ATXN1: variants seen among roughly 807,000 people sequenced by gnomAD.
The protein encoded by ATXN1 is ataxin-1.
Under a neutral mutation model 56.4 loss-of-function variants are expected in ATXN1, and 8 were observed. The ratio of observed to expected loss-of-function variants is 0.14; its 90% CI spans 0.08 to 0.26. The LOEUF (loss-of-function observed/expected upper bound fraction) is 0.26, where lower values mean the gene tolerates loss of function less well. ATXN1 is among the 10% of genes least tolerant of loss of function. The pLI is 1.00. For synonymous variants in ATXN1, 514 were observed against 494.6 expected, an observed-to-expected ratio of 1.04 and a Z score of -0.52; for missense variants, 987 against 1,106.5, an observed-to-expected ratio of 0.89 and a Z score of 1.53.
At chr6:16,736,432 A>G (rs1760134959) in intron 2 of ATXN1, among the ~76,000 whole-genome samples, 1 of 152,250 alleles carries the variant, frequency 6.6e-6, no homozygotes, top group Non-Finnish European at 1.5e-5. Flanking sequence ...ACCTTAAAAT[A>G]AAGAGCTTTT....
chr6:16,455,787 G>A (rs576470101), intron 6 of ATXN1, among the ~76,000 whole-genome samples: 12 of 152,114 alleles, frequency 7.9e-5, no homozygotes, highest in Admixed American at 1.3e-4. Context: ...GAAATTTCCC[G>A]TCCTACAAAA....
Position 16,687,454 on chromosome 6 carries a change from T to G in ATXN1, c.-614-29553A>C, listed in dbSNP as rs74462581. ...AATTACTGGCATTTCTTCTAATTTT[T>G]GGGGGCTAGTCTGACATTTATTAGC... On this transcript the variant is annotated intron_variant, in intron 2 of 7. Transcript: ENST00000436367. 6.1e-4 allele frequency among the ~76,000 whole-genome samples: 93 copies of G among 152,128 alleles called. 2 individuals are homozygous for G. The East Asian group carries it at 0.01, about 17-fold the overall frequency.
intron 6 of ATXN1, among the ~76,000 whole-genome samples, chr6:16,392,354 T>C (rs1240885262): frequency 1.3e-5 from 2 of 152,220 alleles, no homozygotes; most frequent in Non-Finnish European, 2.9e-5. Flanking sequence ...CTGACCTTAG[T>C]AGCAAACTGG....
At chr6:16,711,307 C>T (rs2113454530) in intron 2 of ATXN1, among the ~76,000 whole-genome samples, 1 of 152,052 alleles carries the variant, frequency 6.6e-6, no homozygotes, top group Admixed American at 6.5e-5. Context: ...TAGAAATCTT[C>T]CAGGAGAAAA....
intron 6 of ATXN1, among the ~76,000 whole-genome samples, chr6:16,395,287 A>C (rs1209904335): frequency 6.6e-6 from 1 of 150,954 alleles, no homozygotes; most frequent in East Asian, 1.9e-4. Context: ...AAAAAAAAAA[A>C]AAAACAAGAA....
At chr6:16,428,559 A>G (rs1236976201) in intron 6 of ATXN1, among the ~76,000 whole-genome samples, 2 of 152,102 alleles carry the variant, frequency 1.3e-5, no homozygotes, top group Admixed American at 6.5e-5. Flanking sequence ...AGAGCTTGAC[A>G]TTCATTTAAT....
intron 3 of ATXN1, among the ~76,000 whole-genome samples, chr6:16,647,662 CTA>C (rs1310170379): frequency 1.3e-5 from 2 of 152,180 alleles, no homozygotes; most frequent in East Asian, 1.9e-4. Flanking sequence ...GAAAAAATAA[CTA>C]TGTGAGGTGA....
intron 5 of ATXN1, among the ~76,000 whole-genome samples, chr6:16,488,142 G>A (rs934139313): frequency 1.3e-5 from 2 of 152,100 alleles, no homozygotes; most frequent in African/African-American, 4.8e-5. Context: ...CCTGATGCAG[G>A]TATTATTCTT....
chr6:16,307,924 C>T (rs57987667), intron 7 of ATXN1, among the ~76,000 whole-genome samples: 3 of 151,924 alleles, frequency 2.0e-5, no homozygotes, highest in East Asian at 1.9e-4. Context: ...GAGGCCAAGG[C>T]GCGTGGATCA....
At chr6:16,550,712 C>T (rs1761904800) in intron 4 of ATXN1, among the ~76,000 whole-genome samples, 2 of 152,156 alleles carry the variant, frequency 1.3e-5, no homozygotes, top group Admixed American at 1.3e-4. Context: ...CTCATCTCTT[C>T]GAATGTCAAG....
chr6:16,528,400 TGTATTCCAGATCTA>T (rs1256059235), intron 4 of ATXN1, among the ~76,000 whole-genome samples: 1 of 152,244 alleles, frequency 6.6e-6, no homozygotes, highest in East Asian at 1.9e-4. Flanking sequence ...TAACATATCA[TGTATTCCAGATCTA>T]GCCATAAAAC....
chr6:16,588,062 T>C (rs1342418786), intron 3 of ATXN1, among the ~76,000 whole-genome samples: 1 of 71,184 alleles, frequency 1.4e-5, no homozygotes, highest in Admixed American at 1.9e-4. Flanking sequence ...GAATAGATTC[T>C]GCCTCACCTA....
chr6:16,607,799 T>C (rs752994280), intron 3 of ATXN1, among the ~76,000 whole-genome samples: 4 of 152,220 alleles, frequency 2.6e-5, no homozygotes, highest in Non-Finnish European at 4.4e-5. Flanking sequence ...GATCCTAATA[T>C]GGTCAACCAC....
chr6:16,536,662 G>GC (rs1479961805), intron 4 of ATXN1, among the ~76,000 whole-genome samples: 7 of 152,076 alleles, frequency 4.6e-5, no homozygotes, highest in Non-Finnish European at 8.8e-5. Flanking sequence ...ACAGAAAACT[G>GC]CCCCCCTTAG....
chr6:16,306,451 C>T lies in ATXN1; in HGVS notation c.2326G>A (p.Ala776Thr). ...PAATRKRRWS[A>T]PESRKLEKSE... is the part of the protein sequence containing the mutation. Reference sequence around the variant, plus strand: ...TTCTCCAGTTTGCGGCTCTCTGGCGCCGACCACCTCCTCTTCCTCGTTGCC... The same window carrying T: ...TTCTCCAGTTTGCGGCTCTCTGGCGTCGACCACCTCCTCTTCCTCGTTGCC... The change falls in exon 8 of 8, where the codon GCG (alanine) becomes ACG (threonine). Residue 776 changes from alanine (A) to threonine (T), a missense_variant. Coordinates refer to ENST00000436367, the MANE Select transcript of ATXN1 (RefSeq NM_001128164.2). The surrounding 1 kb of genome is among the most constrained non-coding windows in gnomAD (Gnocchi z 5.2). 1.2e-6 allele frequency: 2 copies of T among 1,614,162 alleles called. No homozygotes were observed. Among genetic ancestry groups the T allele is most frequent in the Non-Finnish European group, 1.7e-6 (2 of 1,180,040 alleles).
intron 2 of ATXN1, among the ~76,000 whole-genome samples, chr6:16,713,148 A>G (rs770464966): frequency 7.9e-5 from 12 of 152,198 alleles, no homozygotes; most frequent in Non-Finnish European, 1.2e-4. Context: ...ATGTGAGCAC[A>G]TTAAACTTTA....
chr6:16,336,464 T>C (rs1249742683), intron 6 of ATXN1, among the ~76,000 whole-genome samples: 1 of 152,090 alleles, frequency 6.6e-6, no homozygotes, highest in East Asian at 1.9e-4. Context: ...TCAGGATGTT[T>C]GTATTTCCCA....
intron 6 of ATXN1, among the ~76,000 whole-genome samples, chr6:16,381,179 C>T (rs1185387695): frequency 6.6e-6 from 1 of 151,986 alleles, no homozygotes; most frequent in Non-Finnish European, 1.5e-5. Context: ...TCCAGCTACT[C>T]GGGAGAATGA....
intron 6 of ATXN1, among the ~76,000 whole-genome samples, chr6:16,468,959 G>C (rs1760163307): frequency 6.6e-6 from 1 of 151,978 alleles, no homozygotes. Flanking sequence ...CACTCATCTG[G>C]ACCAAGTCCC....
Sources: allele counts gnomAD v4.1 joint callset (sites outside exome capture counted in the v4.1 genomes callset), GRCh38; gene constraint gnomAD v4.1.1; non-coding constraint Gnocchi (gnomAD v3.1); transcripts MANE v1.5; gene names NCBI Gene and HGNC (gene_info 2026-07-23, HGNC 2026-07-21).